The following HTT variants were observed in gnomAD, a reference collection of about 807,000 sequenced individuals.
HTT encodes the protein huntington disease protein.
A neutral mutation model predicts 362.3 loss-of-function variants in HTT; 104 were observed. That is an observed-to-expected ratio of 0.29 (90% confidence interval 0.24 to 0.34). The LOEUF (loss-of-function observed/expected upper bound fraction) is 0.34. HTT is among the 10% of genes least tolerant of loss of function. HTT has a pLI of 1.00. For synonymous variants in HTT, 1,577 were observed against 1,548.7 expected, an observed-to-expected ratio of 1.02 and a Z score of -0.43; for missense variants, 3,301 against 3,928.6, an observed-to-expected ratio of 0.84 and a Z score of 4.27.
intron 1 of HTT, among the ~76,000 whole-genome samples, chr4:3,080,134 A>T: frequency 7.4e-6 from 1 of 135,924 alleles, no homozygotes; most frequent in Non-Finnish European, 1.6e-5. Flanking sequence ...CGCTCTTGTC[A>T]CCCGGGCTGG....
In HTT at chr4:3,076,829, AAGG is replaced by A. The variant is rs111613056; in HGVS notation, c.263+1744_263+1746del. ...AGAAATTTCCTTTGCTGCCTTGACA[AAGG>A]AGATAGATTTTGTTTCATTACTTTA... On this transcript the variant is annotated intron_variant, in intron 1 of 66. Coordinates refer to ENST00000355072, the MANE Select transcript of HTT (RefSeq NM_001388492.1). Among the ~76,000 whole-genome samples, 80 of 152,314 alleles carry A rather than the reference AAGG, an allele frequency of 5.3e-4. 1 individual carries two copies. Among genetic ancestry groups the A allele is most frequent in the Middle Eastern group, 3.4e-3 (1 of 294 alleles).
chr4:3,223,612 T>C, intron 55 of HTT, 52 bp downstream of exon 55: 1 of 1,492,272 alleles, frequency 6.7e-7, no homozygotes, highest in Non-Finnish European at 9.1e-7. Flanking sequence ...CTGGGGACAG[T>C]GGGTTCCCCG....
At chr4:3,138,942 T>G (rs1360171956) in intron 21 of HTT, among the ~76,000 whole-genome samples, 1 of 152,154 alleles carries the variant, frequency 6.6e-6, no homozygotes. Flanking sequence ...ACTTACCTTC[T>G]TTTGAAAGTA....
At chr4:3,152,652 C>T (rs989365520) in intron 26 of HTT, among the ~76,000 whole-genome samples, 1 of 152,032 alleles carries the variant, frequency 6.6e-6, no homozygotes, top group Non-Finnish European at 1.5e-5. Context: ...GAGCTTGTGA[C>T]TGGTGCCTTC....
intron 33 of HTT, among the ~76,000 whole-genome samples, chr4:3,175,867 C>T (rs914071009): frequency 6.6e-5 from 10 of 152,166 alleles, no homozygotes; most frequent in Admixed American, 5.9e-4. Context: ...TTACACTTCT[C>T]TATTTCCTTC....
intron 29 of HTT, among the ~76,000 whole-genome samples, chr4:3,165,172 C>T (rs1247190764): frequency 2.0e-5 from 3 of 152,300 alleles, no homozygotes; most frequent in Non-Finnish European, 4.4e-5. Flanking sequence ...TTCTCGTTCA[C>T]TTATGAAGCT....
intron 23 of HTT, 70 bp downstream of exon 23, chr4:3,142,956 T>G: frequency 8.0e-7 from 1 of 1,249,988 alleles, no homozygotes; most frequent in Middle Eastern, 1.9e-4. Flanking sequence ...GCCAGTTAGT[T>G]GTATGGTCAT....
chr4:3,088,575 A>G (rs1468127138), intron 2 of HTT, among the ~76,000 whole-genome samples: 1 of 152,232 alleles, frequency 6.6e-6, no homozygotes, highest in African/African-American at 2.4e-5. Context: ...TTGTACAGCC[A>G]TCACTGCCAT....
At chr4:3,106,560 T>G (rs1714435369) in intron 5 of HTT, among the ~76,000 whole-genome samples, 1 of 152,318 alleles carries the variant, frequency 6.6e-6, no homozygotes, top group Admixed American at 6.5e-5. Context: ...ATTTAAACTC[T>G]TGTACCCATT....
intron 3 of HTT, among the ~76,000 whole-genome samples, chr4:3,101,562 C>T (rs1437465262): frequency 1.3e-5 from 2 of 152,206 alleles, no homozygotes; most frequent in Admixed American, 1.3e-4. Context: ...GGCATGGTCA[C>T]GTAGCCTTCA....
In HTT at chr4:3,206,430, A is replaced by G. The variant is rs1313304384; in HGVS notation, c.5719-66A>G. 1.1e-5 allele frequency: 14 copies of G among 1,277,560 alleles called. No individual in the cohort carries two copies. The highest frequency in any genetic ancestry group is 8.6e-5 in the South Asian group (7 of 81,106). 79.1% of individuals were successfully genotyped at this position (1,277,560 alleles called of 1,614,324 possible). A position where few individuals can be genotyped will look rare whatever the true frequency, so the allele number is the denominator to read the frequency against. On this transcript the variant is annotated intron_variant, in intron 42 of 66. Coordinates refer to ENST00000355072, the MANE Select transcript of HTT (RefSeq NM_001388492.1). This position sits in a 1 kb window ranked among gnomAD's most constrained non-coding sequence, Gnocchi z 4.6. ...CCTTCTTACCCTTTCTGGCCTTTCT[A>G]TGGCATTAATACCTGGTCTCTTCTT... is the stretch of plus-strand genomic sequence containing the variant.
Position 3,204,028 on chromosome 4 carries a change from A to G in HTT, c.5598A>G (p.Thr1866=). The G allele has an allele frequency of 1.2e-6, 2 of 1,614,218 alleles. No homozygotes were observed. Residue 1866 remains threonine, a synonymous_variant, in exon 42 of 67, where the codon ACA becomes ACG. Transcript: ENST00000355072. The part of the protein sequence containing the change: ...QTPKRHSLSS[T]KLLSPQMSGE... The stretch of plus-strand genomic sequence containing the variant: ...CTAGAAGACACAGTCTGTCCAGCAC[A>G]AAGTTACTTAGTCCCCAGATGTCTG...
At chr4:3,120,337 G>T (rs1180766075) in intron 8 of HTT, among the ~76,000 whole-genome samples, 1 of 152,114 alleles carries the variant, frequency 6.6e-6, no homozygotes, top group East Asian at 1.9e-4. Context: ...GTTTAAATTT[G>T]AGTGCCTTGT....
At position 3,205,307 on chromosome 4, in the gene HTT, T is replaced by C. The variant is rs114293378; in HGVS notation, c.5718+1159T>C. Among the ~76,000 whole-genome samples, 271 of 152,280 alleles carry C rather than the reference T, an allele frequency of 1.8e-3. 1 individual carries two copies. Among genetic ancestry groups the C allele is most frequent in the Non-Finnish European group, 3.4e-3 (230 of 68,026 alleles). ...TCTTTGTCACAAACATGGTATCTTA[T>C]AGATACTACTGTCACATAGCAAAAC... On this transcript the variant is annotated intron_variant, in intron 42 of 66. Coordinates refer to ENST00000355072, the MANE Select transcript of HTT (RefSeq NM_001388492.1).
chr4:3,140,306 G>T (rs1716278937), intron 21 of HTT, among the ~76,000 whole-genome samples: 1 of 151,822 alleles, frequency 6.6e-6, no homozygotes, highest in African/African-American at 2.4e-5. Flanking sequence ...ACCCAGTTAT[G>T]TCCGAGTGGG....
chr4:3,109,320 G>A (rs1267577228), intron 6 of HTT, among the ~76,000 whole-genome samples: 3 of 147,108 alleles, frequency 2.0e-5, no homozygotes, highest in African/African-American at 2.6e-5. Flanking sequence ...TCTGTCTCCC[G>A]GGTTCAAGCG....
intron 6 of HTT, chr4:3,113,053 G>T (rs1361563315): frequency 1.0e-6 from 1 of 969,652 alleles, no homozygotes; most frequent in Non-Finnish European, 1.2e-6. Context: ...ACTCTTACAG[G>T]TATGTTGTGC....
At chr4:3,083,564 C>G (rs540965650) in intron 1 of HTT, among the ~76,000 whole-genome samples, 39 of 128,420 alleles carry the variant, frequency 3.0e-4, no homozygotes, top group African/African-American at 1.3e-3. Context: ...CACACACACA[C>G]ACACACACAC....
Position 3,241,156 on chromosome 4 carries a change from A to G in HTT, c.*1097A>G, listed in dbSNP as rs1212326786. ...TGCTGCTCCATGGATGCATGCCCTA[A>G]GAGTGTCACTGAGCTGTGTTTTGTC... On this transcript the variant is annotated 3_prime_UTR_variant, in exon 67 of 67. Coordinates refer to ENST00000355072, the MANE Select transcript of HTT (RefSeq NM_001388492.1). 6.6e-6 allele frequency: 1 copy of G among 152,332 alleles called. No homozygotes were observed. 9.4% of individuals were successfully genotyped at this position (152,332 alleles called of 1,614,324 possible).
Sources: allele counts gnomAD v4.1 joint callset (sites outside exome capture counted in the v4.1 genomes callset), GRCh38; gene constraint gnomAD v4.1.1; non-coding constraint Gnocchi (gnomAD v3.1); transcripts MANE v1.5; gene names NCBI Gene and HGNC (gene_info 2026-07-23, HGNC 2026-07-21).